Variants in MCTP1 observed in about 807,000 individuals in gnomAD.
MCTP1 encodes multiple C2 and transmembrane domain-containing protein 1.
Under a neutral mutation model 120.6 loss-of-function variants are expected in MCTP1, and 69 were observed. The observed-to-expected ratio is 0.57, with a 90% CI of 0.47 to 0.70. The LOEUF is 0.70. MCTP1 is among the 30% of genes least tolerant of loss of function. MCTP1 has a pLI of 0.00. For missense variants in MCTP1, 1,203 were observed against 1,248.8 expected (o/e 0.96, Z 0.55); for synonymous variants, 529 against 493.1 (o/e 1.07, Z -0.96).
At chr5:94,790,944 C>G (rs532580918) in intron 18 of MCTP1, among the ~76,000 whole-genome samples, 1 of 151,948 alleles carries the variant, frequency 6.6e-6, no homozygotes, top group Non-Finnish European at 1.5e-5. Context: ...CCAAAAATTT[C>G]TTTAGGATTT....
At chr5:94,986,935 A>C (rs1830525849) in intron 2 of MCTP1, among the ~76,000 whole-genome samples, 1 of 152,112 alleles carries the variant, frequency 6.6e-6, no homozygotes, top group African/African-American at 2.4e-5. Context: ...CCCTAATATA[A>C]AATGGTGTAG....
chr5:95,008,381 C>T (rs1017939772), intron 2 of MCTP1, among the ~76,000 whole-genome samples: 2 of 152,132 alleles, frequency 1.3e-5, no homozygotes, highest in Non-Finnish European at 2.9e-5. Context: ...GGGCTATGCT[C>T]TCACTTCTCA....
At chr5:94,758,300 T>C (rs1770445308) in intron 19 of MCTP1, among the ~76,000 whole-genome samples, 1 of 152,182 alleles carries the variant, frequency 6.6e-6, no homozygotes, top group Non-Finnish European at 1.5e-5. Context: ...GTTTCTTAAT[T>C]AGAAAATCCC....
intron 1 of MCTP1, among the ~76,000 whole-genome samples, chr5:95,243,013 T>C (rs1234697584): frequency 6.6e-6 from 1 of 152,158 alleles, no homozygotes; most frequent in Non-Finnish European, 1.5e-5. Context: ...TGTGAATCCA[T>C]AAGCAAGATG....
At chr5:94,858,002 T>G (rs1795026480) in intron 17 of MCTP1, among the ~76,000 whole-genome samples, 2 of 151,692 alleles carry the variant, frequency 1.3e-5, no homozygotes, top group South Asian at 4.1e-4. Context: ...GGGTCACCAG[T>G]TTTTCTAAGT....
At chr5:94,723,206 G>T (rs1405238338) in intron 19 of MCTP1, among the ~76,000 whole-genome samples, 1 of 152,062 alleles carries the variant, frequency 6.6e-6, no homozygotes, top group Non-Finnish European at 1.5e-5. Flanking sequence ...AGTTTACTTG[G>T]TGCCTTGCCT....
At chr5:95,104,172 C>G (rs895590933) in intron 1 of MCTP1, among the ~76,000 whole-genome samples, 12 of 149,604 alleles carry the variant, frequency 8.0e-5, no homozygotes, top group African/African-American at 2.6e-4. Flanking sequence ...TTTAGACTTA[C>G]CCCCCCTCCC....
chr5:95,212,857 C>T (rs188311931), intron 1 of MCTP1, among the ~76,000 whole-genome samples: 195 of 152,270 alleles, frequency 1.3e-3, no homozygotes, highest in African/African-American at 4.4e-3. Context: ...ATTCACGGGA[C>T]GTATCTCAAA....
chr5:94,916,059 A>G (rs979511386), intron 8 of MCTP1, among the ~76,000 whole-genome samples: 8 of 152,196 alleles, frequency 5.3e-5, no homozygotes, highest in Non-Finnish European at 8.8e-5. Context: ...GATATTTTTT[A>G]AGTGATGTTT....
intron 7 of MCTP1, among the ~76,000 whole-genome samples, chr5:94,921,011 C>G (rs1811526755): frequency 6.6e-6 from 1 of 152,098 alleles, no homozygotes; most frequent in Non-Finnish European, 1.5e-5. Flanking sequence ...CTCTTTGATT[C>G]ACTGCAATGT....
chr5:94,978,299 T>TA (rs915858306), intron 2 of MCTP1, among the ~76,000 whole-genome samples: 15 of 150,896 alleles, frequency 9.9e-5, no homozygotes, highest in East Asian at 1.9e-4. Flanking sequence ...TGGAGATTTC[T>TA]AAAAAAAAAT....
At chr5:94,940,482 C>A (rs1038584325) in intron 4 of MCTP1, among the ~76,000 whole-genome samples, 3 of 148,982 alleles carry the variant, frequency 2.0e-5, no homozygotes, top group African/African-American at 7.4e-5. Flanking sequence ...AGTCTCCTTT[C>A]TATGCTCTCT....
chr5:94,914,755 G>A (rs1222728346), intron 8 of MCTP1, among the ~76,000 whole-genome samples: 2 of 152,208 alleles, frequency 1.3e-5, no homozygotes, highest in Non-Finnish European at 2.9e-5. Context: ...CTCTGCTCCT[G>A]TCTGTTCTCC....
At chr5:95,081,475 T>A in intron 1 of MCTP1, 1 of 1,611,846 alleles carries the variant, frequency 6.2e-7, no homozygotes, top group Non-Finnish European at 8.5e-7. Context: ...CTTGCAGCTG[T>A]CTAGCATAGT....
intron 1 of MCTP1, among the ~76,000 whole-genome samples, chr5:95,058,826 G>A (rs182000090): frequency 3.9e-5 from 6 of 152,188 alleles, no homozygotes; most frequent in Admixed American, 6.5e-5. Flanking sequence ...CAAAAAGAGC[G>A]ATGATATGCT....
At chr5:95,266,384 A>C (rs1028585353) in intron 1 of MCTP1, among the ~76,000 whole-genome samples, 2 of 152,242 alleles carry the variant, frequency 1.3e-5, no homozygotes, top group African/African-American at 2.4e-5. Flanking sequence ...GGAAGAATGC[A>C]CAATTCTGGT....
intron 1 of MCTP1, among the ~76,000 whole-genome samples, chr5:95,203,922 C>A (rs562979106): frequency 6.6e-6 from 1 of 152,272 alleles, no homozygotes; most frequent in East Asian, 1.9e-4. Flanking sequence ...TAGTCATCTT[C>A]AAGAAACATT....
At position 94,706,078 on chromosome 5, in the gene MCTP1, A is replaced by G. The variant is rs1158890797; in HGVS notation, c.*1418T>C. 2 of 151,750 alleles carry G rather than the reference A, an allele frequency of 1.3e-5. No homozygotes were observed. Among genetic ancestry groups the G allele is most frequent in the East Asian group, 3.9e-4 (2 of 5,170 alleles). 9.4% of individuals were successfully genotyped at this position (151,750 alleles called of 1,614,324 possible). ...ATTTATTGTTAAAGAATCTTCCTTT[A>G]GAGTGAAATATACATTTCTTTTAGC... is the stretch of plus-strand genomic sequence containing the variant. On this transcript the variant is annotated 3_prime_UTR_variant, in exon 23 of 23. Transcript: ENST00000515393.
At chr5:94,742,204 A>T (rs1352032411) in intron 19 of MCTP1, among the ~76,000 whole-genome samples, 9 of 152,068 alleles carry the variant, frequency 5.9e-5, no homozygotes, top group Admixed American at 3.3e-4. Flanking sequence ...ATGTTTTTAA[A>T]TTTTTTTAAA....
Sources: gnomAD v4.1 joint callset for allele counts (sites outside exome capture counted in the v4.1 genomes callset) on GRCh38, gnomAD v4.1.1 for gene constraint, MANE v1.5 for transcripts, NCBI Gene and HGNC (gene_info 2026-07-23, HGNC 2026-07-21) for gene names.